The following CTNNA3 variants were observed in gnomAD, a reference collection of about 807,000 sequenced individuals.
CTNNA3 encodes catenin alpha-3.
In CTNNA3, 76 loss-of-function variants were observed where a neutral mutation model predicts 95.7. That is an observed-to-expected ratio of 0.79 (90% CI 0.66 to 0.96). The LOEUF is 0.96. CTNNA3 is among the 40% of genes least tolerant of loss of function. CTNNA3 has a pLI of 0.00. For synonymous variants in CTNNA3, 431 were observed against 374.4 expected, an observed-to-expected ratio of 1.15 and a Z score of -1.74; for missense variants, 1,191 against 1,089.8, an observed-to-expected ratio of 1.09 and a Z score of -1.31.
intron 6 of CTNNA3, among the ~76,000 whole-genome samples, chr10:67,210,750 AAAT>A (rs1864107542): frequency 6.6e-6 from 1 of 152,214 alleles, no homozygotes; most frequent in African/African-American, 2.4e-5. Flanking sequence ...GCTCAATAAA[AAAT>A]AATAAATAAA....
chr10:67,680,960 C>T (rs1302498958), intron 1 of CTNNA3, among the ~76,000 whole-genome samples: 1 of 151,990 alleles, frequency 6.6e-6, no homozygotes, highest in Non-Finnish European at 1.5e-5. Flanking sequence ...CACATAATAA[C>T]TAATTTTAAA....
intron 7 of CTNNA3, among the ~76,000 whole-genome samples, chr10:66,868,288 C>T (rs1844261052): frequency 1.3e-5 from 2 of 151,172 alleles, no homozygotes; most frequent in South Asian, 4.2e-4. Flanking sequence ...TTGCTGAAAC[C>T]CAGGAGGCAG....
chr10:66,823,059 G>A (rs1842357581), intron 7 of CTNNA3, among the ~76,000 whole-genome samples: 1 of 152,132 alleles, frequency 6.6e-6, no homozygotes, highest in Non-Finnish European at 1.5e-5. Context: ...GTCCTGGCAG[G>A]GGGCCTGCAA....
At chr10:67,705,655 C>T (rs1841074012) in intron 1 of CTNNA3, among the ~76,000 whole-genome samples, 1 of 144,894 alleles carries the variant, frequency 6.9e-6, no homozygotes, top group Non-Finnish European at 1.5e-5. Flanking sequence ...GGAGGGATAG[C>T]TTTAGGAGAT....
At chr10:66,998,603 G>A (rs1474025391) in intron 7 of CTNNA3, among the ~76,000 whole-genome samples, 2 of 152,062 alleles carry the variant, frequency 1.3e-5, no homozygotes, top group African/African-American at 2.4e-5. Context: ...GGCAAAAAAG[G>A]CACATTGGAA....
chr10:66,339,755 T>C (rs2092434450), intron 12 of CTNNA3, among the ~76,000 whole-genome samples: 1 of 151,856 alleles, frequency 6.6e-6, no homozygotes, highest in Non-Finnish European at 1.5e-5. Context: ...TTAATCTTAT[T>C]CATAATCCAG....
chr10:67,077,608 C>A (rs1228813258), intron 7 of CTNNA3, among the ~76,000 whole-genome samples: 1 of 152,162 alleles, frequency 6.6e-6, no homozygotes, highest in Non-Finnish European at 1.5e-5. Context: ...TTAGGAAAAT[C>A]TTCTATGATG....
intron 7 of CTNNA3, among the ~76,000 whole-genome samples, chr10:67,038,663 G>T (rs1486666334): frequency 6.6e-6 from 1 of 152,018 alleles, no homozygotes; most frequent in Non-Finnish European, 1.5e-5. Flanking sequence ...ACCAAGAATT[G>T]CTTACAAAAT....
chr10:67,064,965 C>A (rs190462626), intron 7 of CTNNA3, among the ~76,000 whole-genome samples: 6 of 152,098 alleles, frequency 3.9e-5, no homozygotes, highest in African/African-American at 1.4e-4. Context: ...CTGCCCAGAC[C>A]CTCCTTGGAG....
At chr10:66,049,415 G>T (rs182503684) in intron 15 of CTNNA3, among the ~76,000 whole-genome samples, 1 of 152,042 alleles carries the variant, frequency 6.6e-6, no homozygotes, top group Non-Finnish European at 1.5e-5. Context: ...ACTACCATTC[G>T]GCTCAGCAAT....
At chr10:66,866,212 T>C (rs1288657316) in intron 7 of CTNNA3, among the ~76,000 whole-genome samples, 1 of 152,196 alleles carries the variant, frequency 6.6e-6, no homozygotes, top group African/African-American at 2.4e-5. Context: ...TCAGGACTCC[T>C]GCCTGTCAGT....
At chr10:66,767,329 C>G (rs2132789987) in intron 8 of CTNNA3, among the ~76,000 whole-genome samples, 1 of 151,720 alleles carries the variant, frequency 6.6e-6, no homozygotes, top group East Asian at 1.9e-4. Flanking sequence ...ACCTGTACTC[C>G]CAGCTACTTG....
intron 7 of CTNNA3, among the ~76,000 whole-genome samples, chr10:66,827,351 A>G (rs1170420384): frequency 1.3e-5 from 2 of 152,106 alleles, no homozygotes; most frequent in African/African-American, 4.8e-5. Context: ...CATGTTTATT[A>G]ATTTGCTTGC....
chr10:66,573,367 G>C (rs1007561910), intron 10 of CTNNA3, among the ~76,000 whole-genome samples: 1 of 152,122 alleles, frequency 6.6e-6, no homozygotes, highest in Non-Finnish European at 1.5e-5. Context: ...TGACTACCAG[G>C]GTTGCTCGCA....
At chr10:66,365,634 G>T (rs549905580) in intron 12 of CTNNA3, among the ~76,000 whole-genome samples, 52 of 152,234 alleles carry the variant, frequency 3.4e-4, no homozygotes, top group African/African-American at 1.2e-3. Flanking sequence ...CTGTAACATT[G>T]TCCAGTGATA....
chr10:66,588,227 G>A (rs764913848), intron 10 of CTNNA3, among the ~76,000 whole-genome samples: 6 of 151,864 alleles, frequency 4.0e-5, no homozygotes, highest in Non-Finnish European at 8.8e-5. Context: ...GGGAGTGTGT[G>A]TCACGGTGGC....
chr10:66,491,878 C>CA lies in CTNNA3; in HGVS notation c.1531+28738dup, dbSNP rs549400460. Among the ~76,000 whole-genome samples, 33 of 152,224 alleles carry CA rather than the reference C, an allele frequency of 2.2e-4. No individual in the cohort carries two copies. The South Asian group carries it at 6.4e-3, about 30-fold the overall frequency. Reference sequence around the variant, plus strand: ...TAAGTACCATTAGTGGCCATGATATCAGTCTCTTTGTTTTGGATATCCTTT... The same window carrying CA: ...TAAGTACCATTAGTGGCCATGATATCAAGTCTCTTTGTTTTGGATATCCTTT... On this transcript the variant is annotated intron_variant, in intron 11 of 17. Transcript: ENST00000433211.
At chr10:67,203,739 C>A (rs1188639029) in intron 6 of CTNNA3, among the ~76,000 whole-genome samples, 1 of 152,150 alleles carries the variant, frequency 6.6e-6, no homozygotes, top group Non-Finnish European at 1.5e-5. Context: ...TTCCACAATA[C>A]CTGTTTGATT....
At chr10:66,948,657 A>G (rs1325290898) in intron 7 of CTNNA3, among the ~76,000 whole-genome samples, 10 of 152,220 alleles carry the variant, frequency 6.6e-5, no homozygotes, top group Non-Finnish European at 1.0e-4. Context: ...CCACAAGGAC[A>G]TGGGGTGTTC....
Sources: allele counts gnomAD v4.1 joint callset (sites outside exome capture counted in the v4.1 genomes callset), GRCh38; gene constraint gnomAD v4.1.1; transcripts MANE v1.5; gene names NCBI Gene and HGNC (gene_info 2026-07-23, HGNC 2026-07-21).